CASS4: variants seen among roughly 807,000 people sequenced by gnomAD.
CASS4 encodes the protein Cas scaffold protein family member 4.
In CASS4, 22 loss-of-function variants were observed where a neutral mutation model predicts 54.2. The ratio of observed to expected loss-of-function variants is 0.41; its 90% CI spans 0.29 to 0.58. The LOEUF (loss-of-function observed/expected upper bound fraction) is 0.58. Ranked by LOEUF, CASS4 falls within the 20% of genes least tolerant of loss-of-function variation. The probability of loss-of-function intolerance (pLI) is 0.36; values close to 1 mark genes in which losing one functional copy is unlikely to be tolerated. For synonymous variants in CASS4, 409 were observed against 391.5 expected, an observed-to-expected ratio of 1.04 and a Z score of -0.53; for missense variants, 854 against 986.7, an observed-to-expected ratio of 0.87 and a Z score of 1.80.
Position 56,458,598 on chromosome 20 carries a change from A to C in CASS4, c.2212A>C (p.Ser738Arg). The C allele has an allele frequency of 6.2e-7, 1 of 1,614,030 alleles. No individual in the cohort carries two copies. Among genetic ancestry groups the C allele is most frequent in the Non-Finnish European group, 8.5e-7 (1 of 1,179,970 alleles). Residue 738 changes from serine to arginine, a missense_variant, in exon 6 of 6, where the codon AGT becomes CGT. Physicochemically the swap from Ser to Arg is moderately radical, Grantham distance 110 (BLOSUM62 -1). Coordinates refer to ENST00000679887, the MANE Select transcript of CASS4 (RefSeq NM_020356.4). The part of the protein sequence containing the change: ...DVRNEILRGS[S>R]HLCSLLKDVA... ...GCGCAACGAGATCCTCCGTGGCAGCAGTCACCTCTGCAGCCTGCTCAAGGA... is the reference window on the plus strand; with the variant it reads ...GCGCAACGAGATCCTCCGTGGCAGCCGTCACCTCTGCAGCCTGCTCAAGGA...
intron 1 of CASS4, among the ~76,000 whole-genome samples, chr20:56,426,438 G>A (rs533516388): frequency 1.2e-4 from 19 of 152,324 alleles, no homozygotes; most frequent in South Asian, 8.3e-4. Flanking sequence ...CAGTTCCTGC[G>A]TAGTTAGAGT....
chr20:56,415,283 G>A (rs1979075463), intron 1 of CASS4, among the ~76,000 whole-genome samples: 1 of 152,046 alleles, frequency 6.6e-6, no homozygotes, highest in Non-Finnish European at 1.5e-5. Flanking sequence ...TCTAGATTTG[G>A]TCCACAGGCC....
chr20:56,458,848 A>C lies in CASS4; in HGVS notation c.*101A>C. 1 of 1,225,922 alleles carries C rather than the reference A, an allele frequency of 8.2e-7. No individual in the cohort carries two copies. Among genetic ancestry groups the C allele is most frequent in the Non-Finnish European group, 1.1e-6 (1 of 893,284 alleles). The allele number at this position is 1,225,922 out of a possible 1,614,324, so 75.9% of individuals were successfully genotyped here. On this transcript the variant is annotated 3_prime_UTR_variant, in exon 6 of 6. Transcript: ENST00000679887. ...GAAAAGCCAGCCGGGGCATACACCA[A>C]TGAGCTGAAACAGACCTGGTGCCCA...
At chr20:56,442,182 A>C (rs759538808) in intron 2 of CASS4, among the ~76,000 whole-genome samples, 3 of 151,936 alleles carry the variant, frequency 2.0e-5, no homozygotes, top group Admixed American at 6.5e-5. Context: ...GTGGCCCCAA[A>C]TTAACATCCG....
rs973633887 is a variant in CASS4 at position 56,458,396 on chromosome 20, C to T, written c.2010C>T (p.Pro670=). Residue 670 remains proline (P), a synonymous_variant, in exon 6 of 6, where the codon CCC becomes CCT. Coordinates refer to ENST00000679887, the MANE Select transcript of CASS4 (RefSeq NM_020356.4). ...GTCAACAGACTCCTGAGAGGAAACC[C>T]CGCTTATCTGAACACTGCCGGCTCT... The part of the protein sequence containing the change: ...PSSQQTPERK[P]RLSEHCRLYF... 4.3e-6 allele frequency: 7 copies of T among 1,614,008 alleles called. No individual in the cohort carries two copies. The African/African-American group carries it at 5.3e-5, about 12-fold the overall frequency.
intron 1 of CASS4, among the ~76,000 whole-genome samples, chr20:56,426,843 T>G (rs1410902219): frequency 6.6e-6 from 1 of 152,164 alleles, no homozygotes; most frequent in Non-Finnish European, 1.5e-5. Context: ...CCTCCCAAAG[T>G]GCTGGGATTA....
At chr20:56,421,354 G>A (rs1043895762) in intron 1 of CASS4, among the ~76,000 whole-genome samples, 9 of 152,140 alleles carry the variant, frequency 5.9e-5, no homozygotes, top group Non-Finnish European at 2.9e-5. Context: ...GTAGTGGCAC[G>A]TGGATATGAC....
In CASS4 at chr20:56,412,861, A is replaced by G. The variant is rs764276341; in HGVS notation, c.36+367A>G. On this transcript the variant is annotated intron_variant, in intron 1 of 5. Coordinates refer to ENST00000679887, the MANE Select transcript of CASS4 (RefSeq NM_020356.4). This position sits in a 1 kb window ranked among gnomAD's most constrained non-coding sequence, Gnocchi z 4.2. ...CACTCAGTGCCACTCTAACTGTCCT[A>G]TTTGGTTTCTGTGCTCACCTCCCAA... Among the ~76,000 whole-genome samples, 2 of 152,070 alleles carry G rather than the reference A, an allele frequency of 1.3e-5. No homozygotes were observed. Among genetic ancestry groups the G allele is most frequent in the African/African-American group, 2.4e-5 (1 of 41,410 alleles).
In CASS4 at chr20:56,414,445, T is replaced by TA. The variant is rs1005657831; in HGVS notation, c.36+1959dup. Among the ~76,000 whole-genome samples the TA allele has an allele frequency of 2.4e-4, 37 of 152,062 alleles. No individual in the cohort carries two copies. Among genetic ancestry groups the TA allele is most frequent in the Non-Finnish European group, 4.4e-4 (30 of 68,004 alleles). Reference sequence around the variant, plus strand: ...TACAATTGGGTGGGGTTTTGTTATTTAAAAAAAATATTTTTAGCAATGGGG... The same window carrying TA: ...TACAATTGGGTGGGGTTTTGTTATTTAAAAAAAAATATTTTTAGCAATGGGG... On this transcript the variant is annotated intron_variant, in intron 1 of 5. Coordinates refer to ENST00000679887, the MANE Select transcript of CASS4 (RefSeq NM_020356.4). The surrounding 1 kb of genome is among the most constrained non-coding windows in gnomAD (Gnocchi z 4.1).
chr20:56,441,374 G>A (rs377756269), intron 2 of CASS4, among the ~76,000 whole-genome samples: 2 of 151,486 alleles, frequency 1.3e-5, no homozygotes, highest in Admixed American at 6.6e-5. Flanking sequence ...GGAGGCCAAG[G>A]CGGGTGGATC....
chr20:56,413,371 A>G (rs1230636071), intron 1 of CASS4, among the ~76,000 whole-genome samples: 2 of 152,102 alleles, frequency 1.3e-5, no homozygotes, highest in Non-Finnish European at 2.9e-5. Context: ...ATTTTTCATT[A>G]TAATAAAAGT....
intron 2 of CASS4, among the ~76,000 whole-genome samples, chr20:56,445,685 C>T (rs754292396): frequency 3.9e-5 from 6 of 152,194 alleles, no homozygotes; most frequent in Non-Finnish European, 8.8e-5. Context: ...TAAAGAACAT[C>T]GTGGGCCACG....
In CASS4 at chr20:56,437,536, C is replaced by T; in HGVS notation, c.409C>T (p.Pro137Ser). The T allele has an allele frequency of 6.4e-7, 1 of 1,569,808 alleles. No individual in the cohort carries two copies. Among genetic ancestry groups the T allele is most frequent in the Non-Finnish European group, 8.6e-7 (1 of 1,159,410 alleles). The change falls in exon 2 of 6, where the codon CCC (proline) becomes TCC (serine). Residue 137 changes from proline to serine, a missense_variant. Pro to Ser is a moderately conservative substitution (Grantham distance 74). Coordinates refer to ENST00000679887, the MANE Select transcript of CASS4 (RefSeq NM_020356.4). The surrounding 1 kb of genome is among the most constrained non-coding windows in gnomAD (Gnocchi z 4.7). ...CCAAGTCTATGAATTCCCCGACCCT[C>T]CCACCAGTGCCAGAATCATCTGTGA... Reference protein sequence around the residue: ...TAQVYEFPDPPTSARIICEKT... With the variant: ...TAQVYEFPDPSTSARIICEKT...
At chr20:56,436,811 C>T (rs372705649) in intron 1 of CASS4, among the ~76,000 whole-genome samples, 1 of 152,062 alleles carries the variant, frequency 6.6e-6, no homozygotes. Flanking sequence ...TGCCTGAGCC[C>T]GGGAGGTCGA....
At position 56,452,843 on chromosome 20, in the gene CASS4, C is replaced by T. The variant is rs2146297000; in HGVS notation, c.1667C>T (p.Pro556Leu). The T allele has an allele frequency of 1.2e-6, 2 of 1,614,050 alleles. No individual in the cohort carries two copies. The highest frequency in any genetic ancestry group is 4.5e-5 in the East Asian group (2 of 44,864). The change falls in exon 5 of 6, where the codon CCA (proline) becomes CTA (leucine). Residue 556 changes from proline (P) to leucine (L), a missense_variant. Physicochemically the swap from Pro to Leu is moderately conservative, Grantham distance 98 (BLOSUM62 -3). Transcript: ENST00000679887. ...GTGACTGACAGTGTCCAGAACAGCC[C>T]AGATGACCTTGAGAGGTTTGTCATG... ...VLVTDSVQNS[P>L]DDLERFVMVA... is the part of the protein sequence containing the mutation.
intron 1 of CASS4, among the ~76,000 whole-genome samples, chr20:56,420,722 G>A (rs149223558): frequency 1.1e-4 from 16 of 152,096 alleles, no homozygotes; most frequent in African/African-American, 2.2e-4. Flanking sequence ...GTCTCCCCAC[G>A]GTTGAAAGGG....
At chr20:56,422,382 G>A (rs1208543944) in intron 1 of CASS4, among the ~76,000 whole-genome samples, 1 of 152,218 alleles carries the variant, frequency 6.6e-6, no homozygotes, top group African/African-American at 2.4e-5. Flanking sequence ...AAGGAAACCA[G>A]TCACCTGTTC....
Position 56,437,426 on chromosome 20 carries a change from T to A in CASS4, c.299T>A (p.Val100Glu), listed in dbSNP as rs753016401. The A allele has an allele frequency of 6.2e-6, 10 of 1,613,846 alleles. No homozygotes were observed. The African/African-American group carries it at 1.1e-4, about 17-fold the overall frequency. The stretch of plus-strand genomic sequence containing the variant: ...GCCAGCTCAGAGGAGACCTATCAGG[T>A]GCCCACTCTACCCCGCCCTCCCACT... ...APASSEETYQVPTLPRPPTPG... is the reference protein window; with the variant it reads ...APASSEETYQEPTLPRPPTPG... The change falls in exon 2 of 6, where the codon GTG (valine) becomes GAG (glutamate). Residue 100 changes from valine (V) to glutamate (E), a missense_variant. Val to Glu is a moderately radical substitution (Grantham distance 121). Coordinates refer to ENST00000679887, the MANE Select transcript of CASS4 (RefSeq NM_020356.4). The surrounding 1 kb of genome is among the most constrained non-coding windows in gnomAD (Gnocchi z 4.7).
At chr20:56,419,188 G>A (rs1979293696) in intron 1 of CASS4, among the ~76,000 whole-genome samples, 2 of 152,178 alleles carry the variant, frequency 1.3e-5, no homozygotes, top group African/African-American at 4.8e-5. Flanking sequence ...TAGCTTAAAA[G>A]GAGGAAGGTG....
Sources: gnomAD v4.1 joint callset for allele counts (sites outside exome capture counted in the v4.1 genomes callset) on GRCh38, gnomAD v4.1.1 for gene constraint, Gnocchi (gnomAD v3.1) non-coding constraint, MANE v1.5 for transcripts, NCBI Gene and HGNC (gene_info 2026-07-23, HGNC 2026-07-21) for gene names.